The following RANBP2 variants were observed in gnomAD, a reference collection of about 807,000 sequenced individuals.
The protein encoded by RANBP2 is RAN binding protein 2, also known as E3 SUMO-protein ligase RanBP2.
RANBP2 carries 57 observed loss-of-function variants against 303.6 expected under a neutral mutation model. That is an observed-to-expected ratio of 0.19 (90% CI 0.15 to 0.23). The LOEUF is 0.23. Among genes scored for constraint, RANBP2 ranks in the 10% least tolerant of loss-of-function variants. RANBP2 has a pLI of 1.00. For synonymous variants in RANBP2, 1,167 were observed against 1,301.5 expected (o/e 0.90, Z 2.23); for missense variants, 3,138 against 3,780.8 (o/e 0.83, Z 4.46).
At chr2:108,902,631 C>A in the RANBP2 span, among the ~76,000 whole-genome samples, 1 of 152,064 alleles carries the variant, frequency 6.6e-6, no homozygotes, top group African/African-American at 2.4e-5. Flanking sequence ...AATGCAAAAT[C>A]CTTAACAAAA....
rs772131361 is a variant in RANBP2 at position 108,751,264 on chromosome 2, G to C, written c.1274G>C (p.Gly425Ala). The change falls in exon 10 of 29, where the codon GGT (glycine) becomes GCT (alanine). Residue 425 changes from glycine (G) to alanine (A), a missense_variant and splice_region_variant. Transcript: ENST00000283195. The part of the protein sequence containing the change: ...ELEDLTRYDV[G>A]AIRAHNGSLQ... ...AGCCAATTTTTTAATTTTATTTCAG[G>C]TGCTATTCGAGCACATAATGGTAGT... is the stretch of plus-strand genomic sequence containing the variant. 1 of 1,611,842 alleles carries C rather than the reference G, an allele frequency of 6.2e-7. No homozygotes were observed. The highest frequency in any genetic ancestry group is 8.5e-7 in the Non-Finnish European group (1 of 1,179,840).
At chr2:108,849,544 G>A in the RANBP2 span, among the ~76,000 whole-genome samples, 7,104 of 152,094 alleles carry the variant, frequency 0.047, 532 homozygotes, top group African/African-American at 0.16. Context: ...GCCCTGACAC[G>A]TCTCCCTGCC....
chr2:109,223,237 G>A, the RANBP2 span, among the ~76,000 whole-genome samples: 39,687 of 152,072 alleles, frequency 0.26, 5,503 homozygotes, highest in East Asian at 0.46. Context: ...CAAGTGCCCT[G>A]ATAACCAGGA....
the RANBP2 span, among the ~76,000 whole-genome samples, chr2:109,051,825 T>G: frequency 1.9e-4 from 29 of 151,838 alleles, no homozygotes; most frequent in African/African-American, 7.0e-4. Flanking sequence ...CTTGGCTCAC[T>G]GCAATATCTG....
the RANBP2 span, among the ~76,000 whole-genome samples, chr2:108,951,878 A>G: frequency 6.6e-6 from 1 of 152,214 alleles, no homozygotes; most frequent in Non-Finnish European, 1.5e-5. Flanking sequence ...GATCTTCCCA[A>G]GGTCTCTTGA....
the RANBP2 span, among the ~76,000 whole-genome samples, chr2:109,704,365 C>G: frequency 6.6e-6 from 1 of 151,800 alleles, no homozygotes; most frequent in Admixed American, 6.6e-5. Context: ...CAGGGCAACA[C>G]GGCAAAACCT....
chr2:109,448,289 G>A, the RANBP2 span, among the ~76,000 whole-genome samples: 1 of 152,128 alleles, frequency 6.6e-6, no homozygotes, highest in Non-Finnish European at 1.5e-5. Context: ...ATTTTTCTGA[G>A]TGCTTCAGCT....
At chr2:109,000,522 G>A in the RANBP2 span, among the ~76,000 whole-genome samples, 1 of 152,088 alleles carries the variant, frequency 6.6e-6, no homozygotes, top group African/African-American at 2.4e-5. Flanking sequence ...GACAGAGCAA[G>A]ACCCTGTCTC....
the RANBP2 span, among the ~76,000 whole-genome samples, chr2:109,659,404 A>G: frequency 6.6e-6 from 1 of 152,160 alleles, no homozygotes; most frequent in African/African-American, 2.4e-5. Context: ...CAAAAAAAAC[A>G]AAACTCAAAT....
chr2:108,959,520 G>A, the RANBP2 span, among the ~76,000 whole-genome samples: 1 of 152,166 alleles, frequency 6.6e-6, no homozygotes, highest in African/African-American at 2.4e-5. Context: ...CTTAAAACCT[G>A]TGCCAAGATG....
At chr2:108,738,504 T>A (rs540274383) in intron 6 of RANBP2, among the ~76,000 whole-genome samples, 2 of 152,162 alleles carry the variant, frequency 1.3e-5, no homozygotes, top group South Asian at 2.1e-4. Context: ...GGATTGCAGG[T>A]CTGAGCCACT....
At chr2:109,146,133 T>C in the RANBP2 span, among the ~76,000 whole-genome samples, 12 of 152,230 alleles carry the variant, frequency 7.9e-5, no homozygotes, top group Non-Finnish European at 1.6e-4. Context: ...CCACTGTTAC[T>C]GTTCTTGAGT....
At chr2:109,602,623 C>T in the RANBP2 span, among the ~76,000 whole-genome samples, 1 of 149,652 alleles carries the variant, frequency 6.7e-6, no homozygotes, top group Non-Finnish European at 1.5e-5. Flanking sequence ...TGCAGTGAGC[C>T]GAGATCGCAC....
the RANBP2 span, among the ~76,000 whole-genome samples, chr2:109,095,619 A>T: frequency 6.6e-6 from 1 of 152,190 alleles, no homozygotes; most frequent in East Asian, 1.9e-4. Context: ...TGAACATTAA[A>T]ATGAAAGCAC....
chr2:109,165,980 C>A, the RANBP2 span, among the ~76,000 whole-genome samples: 1 of 152,068 alleles, frequency 6.6e-6, no homozygotes, highest in Non-Finnish European at 1.5e-5. Flanking sequence ...TTTTTTCCCG[C>A]TGCTATTGCA....
the RANBP2 span, among the ~76,000 whole-genome samples, chr2:109,191,388 T>C: frequency 6.6e-6 from 1 of 152,222 alleles, no homozygotes; most frequent in African/African-American, 2.4e-5. Context: ...CAGCTTAGTC[T>C]CTTGCATACC....
At chr2:109,514,624 C>A in the RANBP2 span, among the ~76,000 whole-genome samples, 1 of 152,198 alleles carries the variant, frequency 6.6e-6, no homozygotes, top group African/African-American at 2.4e-5. Context: ...CACGCAGGGA[C>A]CTTGAGCCTG....
the RANBP2 span, among the ~76,000 whole-genome samples, chr2:108,934,949 G>T: frequency 2.0e-5 from 3 of 152,210 alleles, no homozygotes; most frequent in Non-Finnish European, 4.4e-5. Flanking sequence ...CCAGTTAATT[G>T]GCTAGTGATC....
the RANBP2 span, among the ~76,000 whole-genome samples, chr2:108,987,401 T>C: frequency 6.6e-6 from 1 of 152,154 alleles, no homozygotes; most frequent in Non-Finnish European, 1.5e-5. Context: ...CGGAGCAATG[T>C]TGGGCTGCCG....
Sources: allele counts gnomAD v4.1 joint callset (sites outside exome capture counted in the v4.1 genomes callset), GRCh38; gene constraint gnomAD v4.1.1; transcripts MANE v1.5; gene names NCBI Gene and HGNC (gene_info 2026-07-23, HGNC 2026-07-21).